YTHDC2: variants seen among roughly 807,000 people sequenced by gnomAD.
YTHDC2 encodes the protein 3'-5' RNA helicase YTHDC2.
Under a neutral mutation model 174.9 loss-of-function variants are expected in YTHDC2, and 45 were observed. That is an observed-to-expected ratio of 0.26 (90% CI 0.20 to 0.33). The LOEUF (loss-of-function observed/expected upper bound fraction) is 0.33. Ranked by LOEUF, YTHDC2 falls within the 10% of genes least tolerant of loss-of-function variation. The pLI, the probability that YTHDC2 is intolerant of heterozygous loss-of-function variation, is 1.00. For missense variants in YTHDC2, 1,650 were observed against 1,723.7 expected (o/e 0.96, Z 0.76); for synonymous variants, 657 against 574.5 (o/e 1.14, Z -2.05).
In YTHDC2 at chr5:113,581,723, A is replaced by AT; in HGVS notation, c.3647+18dup. ...TACTGCAGAAAGGTAAATTTATGAC[A>AT]TTTTACCAAAATGGGTCACTTTTTA... On this transcript the variant is annotated intron_variant, in intron 25 of 29. Transcript: ENST00000161863. 2 of 1,466,406 alleles carry AT rather than the reference A, an allele frequency of 1.4e-6. No homozygotes were observed. The highest frequency in any genetic ancestry group is 1.8e-6 in the Non-Finnish European group (2 of 1,106,806). 90.8% of individuals were successfully genotyped at this position (1,466,406 alleles called of 1,614,324 possible).
chr5:113,533,570 T>A (rs889659583), intron 5 of YTHDC2, among the ~76,000 whole-genome samples: 1 of 151,874 alleles, frequency 6.6e-6, no homozygotes, highest in African/African-American at 2.4e-5. Context: ...AAATTCCGTT[T>A]CCTAGTTTCA....
intron 27 of YTHDC2, 107 bp downstream of exon 27, chr5:113,591,351 C>T (rs570980013): frequency 7.8e-5 from 88 of 1,128,196 alleles, no homozygotes; most frequent in Non-Finnish European, 1.1e-4. Context: ...TGCAAGAATG[C>T]CTTTTGCTTG....
At chr5:113,577,290 C>G (rs1380897719) in intron 23 of YTHDC2, among the ~76,000 whole-genome samples, 1 of 152,086 alleles carries the variant, frequency 6.6e-6, no homozygotes, top group Non-Finnish European at 1.5e-5. Context: ...GTTTGATAAT[C>G]TTACCTATTT....
In YTHDC2 at chr5:113,548,595, G is replaced by A. The variant is rs749627617; in HGVS notation, c.1550G>A (p.Arg517His). 1.2e-5 allele frequency: 19 copies of A among 1,613,332 alleles called. No individual in the cohort carries two copies. The highest frequency in any genetic ancestry group is 3.3e-5 in the Admixed American group (2 of 59,872). The change falls in exon 11 of 30, where the codon CGT (arginine) becomes CAT (histidine). Residue 517 changes from arginine to histidine, a missense_variant. By Grantham distance (29) the Arg-to-His change is conservative (BLOSUM62 0). Transcript: ENST00000161863. The stretch of plus-strand genomic sequence containing the variant: ...ACAGCTCTGATGGTTGCTGCAGGAC[G>A]TGGCTTTGCAAGTCAAGTAGAACAG... ...SATALMVAAGRGFASQVEQLI... is the reference protein window; with the variant it reads ...SATALMVAAGHGFASQVEQLI...
intron 26 of YTHDC2, among the ~76,000 whole-genome samples, chr5:113,590,798 G>A (rs1778964507): frequency 6.6e-6 from 1 of 152,192 alleles, no homozygotes; most frequent in South Asian, 2.1e-4. Flanking sequence ...ATAAACCAAA[G>A]TTGGTACTCC....
rs1774773734 is a variant in YTHDC2 at position 113,532,870 on chromosome 5, T to C, written c.676-9T>C. 5.6e-6 allele frequency: 9 copies of C among 1,596,724 alleles called. No individual in the cohort carries two copies. Among genetic ancestry groups the C allele is most frequent in the Non-Finnish European group, 7.7e-6 (9 of 1,169,854 alleles). On this transcript the variant is annotated splice_polypyrimidine_tract_variant and intron_variant, in intron 4 of 29. Transcript: ENST00000161863. ...TGTCATCTTACAGTTTTTAAAACTT[T>C]TGTTTCAGATTCCTCAGTTCCTTTT...
rs547766721 is a variant in YTHDC2 at position 113,569,520 on chromosome 5, C to T, written c.3244+1671C>T. The stretch of plus-strand genomic sequence containing the variant: ...TAATCCATCTTGAGTTAATTTTTGT[C>T]GAAGGTGTTAGGAAGGGGCCCAGTT... On this transcript the variant is annotated intron_variant, in intron 23 of 29. Coordinates refer to ENST00000161863, the MANE Select transcript of YTHDC2 (RefSeq NM_022828.5). Among the ~76,000 whole-genome samples the T allele has an allele frequency of 4.5e-4, 68 of 152,004 alleles. 1 individual carries two copies. The South Asian group carries it at 0.013, about 29-fold the overall frequency.
At chr5:113,514,200 G>C in intron 1 of YTHDC2, 118 bp downstream of exon 1, 1 of 1,329,262 alleles carries the variant, frequency 7.5e-7, no homozygotes. Flanking sequence ...GAAGACCCGG[G>C]CCACCGTCCG....
At chr5:113,564,682 A>G (rs563742358) in intron 20 of YTHDC2, among the ~76,000 whole-genome samples, 1 of 152,310 alleles carries the variant, frequency 6.6e-6, no homozygotes, top group South Asian at 2.1e-4. Context: ...GATGGGGAAA[A>G]TAGGATCCTG....
chr5:113,545,659 CTGGGATTACAGACAT>C (rs1775821396), intron 10 of YTHDC2, among the ~76,000 whole-genome samples: 1 of 151,366 alleles, frequency 6.6e-6, no homozygotes, highest in Non-Finnish European at 1.5e-5. Context: ...TCCCAAAGTG[CTGGGATTACAGACAT>C]GAGCCACTGT....
At chr5:113,556,946 G>C (rs1776647711) in intron 17 of YTHDC2, among the ~76,000 whole-genome samples, 1 of 152,156 alleles carries the variant, frequency 6.6e-6, no homozygotes, top group Non-Finnish European at 1.5e-5. Flanking sequence ...TTTCTGGGTA[G>C]CTGTTAAAAG....
In YTHDC2 at chr5:113,567,788, G is replaced by T. The variant is rs1269903568; in HGVS notation, c.3183G>T (p.Leu1061Phe). Residue 1061 changes from leucine to phenylalanine, a missense_variant, in exon 23 of 30, where the codon TTG becomes TTT. By Grantham distance (22) the Leu-to-Phe change is conservative (BLOSUM62 0). Coordinates refer to ENST00000161863, the MANE Select transcript of YTHDC2 (RefSeq NM_022828.5). ...CAGCAGTGACGCCTGTCACTATATT[G>T]GTATTCTGTGGACCAGCTAGATTGG... ...CCSAVTPVTILVFCGPARLAS... is the reference protein window; with the variant it reads ...CCSAVTPVTIFVFCGPARLAS... The T allele has an allele frequency of 1.2e-6, 2 of 1,603,882 alleles. No individual in the cohort carries two copies. Among genetic ancestry groups the T allele is most frequent in the African/African-American group, 1.3e-5 (1 of 74,514 alleles).
intron 3 of YTHDC2, among the ~76,000 whole-genome samples, chr5:113,525,764 T>C (rs1240540922): frequency 1.3e-5 from 2 of 152,170 alleles, no homozygotes; most frequent in African/African-American, 4.8e-5. Context: ...ATTTTACTAT[T>C]TGGAAAGATC....
At chr5:113,542,610 T>C in intron 10 of YTHDC2, 107 bp downstream of exon 10, 1 of 1,007,674 alleles carries the variant, frequency 9.9e-7, no homozygotes, top group Middle Eastern at 3.3e-4. Flanking sequence ...CCAAAAATTT[T>C]ATTTTTTAAA....
chr5:113,524,823 C>T (rs1241748668), intron 2 of YTHDC2, among the ~76,000 whole-genome samples, 158 bp from the exon 3 acceptor site: 1 of 152,054 alleles, frequency 6.6e-6, no homozygotes, highest in Non-Finnish European at 1.5e-5. Context: ...TAGCCCAAAT[C>T]TTTCTTTACT....
chr5:113,575,626 C>A (rs570976744), intron 23 of YTHDC2, among the ~76,000 whole-genome samples: 1 of 152,180 alleles, frequency 6.6e-6, no homozygotes, highest in South Asian at 2.1e-4. Flanking sequence ...GATTGGAGTG[C>A]ACTGGTCAAT....
At chr5:113,577,081 A>G (rs1224403068) in intron 23 of YTHDC2, among the ~76,000 whole-genome samples, 1 of 152,142 alleles carries the variant, frequency 6.6e-6, no homozygotes, top group Non-Finnish European at 1.5e-5. Flanking sequence ...AACAGTTCTT[A>G]TATATCCTCC....
chr5:113,542,777 T>C (rs1775578119), intron 10 of YTHDC2, among the ~76,000 whole-genome samples: 1 of 152,202 alleles, frequency 6.6e-6, no homozygotes, highest in Non-Finnish European at 1.5e-5. Flanking sequence ...AAAATGCTGT[T>C]ATGTGTATGT....
At chr5:113,585,147 A>G (rs1778610571) in intron 26 of YTHDC2, among the ~76,000 whole-genome samples, 1 of 152,044 alleles carries the variant, frequency 6.6e-6, no homozygotes, top group Admixed American at 6.6e-5. Context: ...TAATTTCAGA[A>G]TCGAAAACAG....
Sources: gnomAD v4.1 joint callset for allele counts (sites outside exome capture counted in the v4.1 genomes callset) on GRCh38, gnomAD v4.1.1 for gene constraint, MANE v1.5 for transcripts, NCBI Gene and HGNC (gene_info 2026-07-23, HGNC 2026-07-21) for gene names.